Variants in TEX9 observed in about 807,000 individuals in gnomAD.
The protein encoded by TEX9 is testis-expressed protein 9.
A neutral mutation model predicts 59.6 loss-of-function variants in TEX9; 74 were observed. The ratio of observed to expected loss-of-function variants is 1.24; its 90% confidence interval spans 1.03 to 1.51. The LOEUF (loss-of-function observed/expected upper bound fraction) is 1.51. TEX9 is among the 40% of genes most tolerant of loss of function. The pLI is 0.00. For missense variants in TEX9, 522 were observed against 447.8 expected (o/e 1.17, Z -1.49); for synonymous variants, 186 against 152.2 (o/e 1.22, Z -1.64).
intron 12 of TEX9, among the ~76,000 whole-genome samples, chr15:56,431,128 T>C (rs2050581137): frequency 6.6e-6 from 1 of 152,206 alleles, no homozygotes; most frequent in Non-Finnish European, 1.5e-5. Context: ...CACTCCAGCC[T>C]GGGCGATAAA....
the TEX9 span, among the ~76,000 whole-genome samples, chr15:56,459,749 G>C: frequency 7.8e-3 from 1,176 of 151,662 alleles, 10 homozygotes; most frequent in African/African-American, 0.025. Flanking sequence ...GGAGCACTTT[G>C]GGAGGCCGAA....
rs1490069025 is a variant in TEX9 at position 56,311,906 on chromosome 15, A to G, written c.-106-61535A>G. Among the ~76,000 whole-genome samples, 6 of 145,642 alleles carry G rather than the reference A, an allele frequency of 4.1e-5. No individual in the cohort carries two copies. The South Asian group carries it at 1.3e-3, about 33-fold the overall frequency. ...TCTCTGATGGCCAGTGATGATGAGC[A>G]TTTTTTCATGTGTTTTTTGGCTGCA... On this transcript the variant is annotated intron_variant, in intron 1 of 5. Transcript: ENST00000560827.
chr15:56,421,043 A>G (rs1017668774), intron 10 of TEX9, among the ~76,000 whole-genome samples: 3 of 151,808 alleles, frequency 2.0e-5, no homozygotes, highest in African/African-American at 4.9e-5. Flanking sequence ...TATTCTATAA[A>G]TGTCAATTAT....
intron 1 of TEX9, among the ~76,000 whole-genome samples, chr15:56,322,134 G>C (rs2554285): frequency 0.45 from 68,243 of 151,712 alleles, 16,380 homozygotes; most frequent in Non-Finnish European, 0.55. Context: ...CCTGTCCAAA[G>C]GAAAAGCAAG....
intron 1 of TEX9, among the ~76,000 whole-genome samples, chr15:56,350,414 G>C (rs2046554948): frequency 6.6e-6 from 1 of 152,114 alleles, no homozygotes; most frequent in African/African-American, 2.4e-5. Flanking sequence ...AAACAGCAAT[G>C]GGAAAGGCAT....
intron 1 of TEX9, among the ~76,000 whole-genome samples, chr15:56,283,530 A>T (rs1339810265): frequency 1.3e-5 from 2 of 152,218 alleles, no homozygotes; most frequent in Non-Finnish European, 2.9e-5. Flanking sequence ...TCAATAAATT[A>T]TGTTGGAGCA....
rs140266833 is a variant in TEX9 at position 56,318,407 on chromosome 15, A to G, written c.-106-55034A>G. ...ATTTGTACATTTGAATCTAAAGTGC[A>G]TCATATTGTAGGCAGCATATCGTTG... On this transcript the variant is annotated intron_variant, in intron 1 of 5. Transcript: ENST00000560827. Among the ~76,000 whole-genome samples the G allele has an allele frequency of 5.3e-3, 800 of 152,180 alleles. 27 individuals carry two copies. Among genetic ancestry groups the G allele is most frequent in the Admixed American group, 0.046 (701 of 15,280 alleles).
intron 10 of TEX9, among the ~76,000 whole-genome samples, chr15:56,415,624 G>A (rs2049639235): frequency 6.6e-6 from 1 of 151,520 alleles, no homozygotes; most frequent in African/African-American, 2.4e-5. Context: ...TTTGTACCAT[G>A]TGCTGTTTTG....
intron 10 of TEX9, among the ~76,000 whole-genome samples, chr15:56,425,943 G>A (rs963439417): frequency 3.3e-5 from 5 of 152,110 alleles, no homozygotes; most frequent in Non-Finnish European, 7.4e-5. Flanking sequence ...CTGGGCCTGT[G>A]TGTTTTAATT....
intron 1 of TEX9, among the ~76,000 whole-genome samples, chr15:56,258,252 G>T (rs916677016): frequency 1.1e-4 from 17 of 152,040 alleles, no homozygotes; most frequent in African/African-American, 4.1e-4. Flanking sequence ...TTTTTGCCTA[G>T]TATTGCCTTA....
At chr15:56,389,373 C>T in exon 6 of TEX9, 1 of 1,610,486 alleles carries the variant, frequency 6.2e-7, no homozygotes, top group Non-Finnish European at 8.5e-7. Flanking sequence ...TTACACTCTG[C>T]AAATAAAGGA....
intron 3 of TEX9, among the ~76,000 whole-genome samples, chr15:56,377,182 G>A (rs1404817434): frequency 6.6e-6 from 1 of 152,112 alleles, no homozygotes; most frequent in East Asian, 1.9e-4. Context: ...TTGAAGCCAG[G>A]TAATGTGATT....
intron 11 of TEX9, among the ~76,000 whole-genome samples, chr15:56,427,980 A>G (rs1435515897): frequency 1.3e-5 from 2 of 152,106 alleles, no homozygotes; most frequent in African/African-American, 2.4e-5. Context: ...AAAATACAGT[A>G]TAGGTACTTC....
chr15:56,452,737 C>G, the TEX9 span, among the ~76,000 whole-genome samples: 4 of 152,146 alleles, frequency 2.6e-5, no homozygotes, highest in Non-Finnish European at 4.4e-5. Flanking sequence ...CCAGGATGGT[C>G]TCGATCTCCT....
chr15:56,448,434 T>A (rs2050923734), downstream of TEX9, among the ~76,000 whole-genome samples: 1 of 152,138 alleles, frequency 6.6e-6, no homozygotes. Flanking sequence ...TTCCCATATA[T>A]GTCTATGTGT....
At chr15:56,457,815 TA>T in the TEX9 span, among the ~76,000 whole-genome samples, 352 of 139,976 alleles carry the variant, frequency 2.5e-3, no homozygotes, top group South Asian at 2.5e-3. Flanking sequence ...CCCTGTCTCT[TA>T]AAAAAAAAAA....
intron 8 of TEX9, 178 bp downstream of exon 8, chr15:56,394,425 T>C: frequency 3.2e-6 from 2 of 634,648 alleles, no homozygotes; most frequent in South Asian, 4.9e-5. Flanking sequence ...AGAGCTGAAA[T>C]ATCTTAAATT....
At chr15:56,313,502 C>G (rs1383962463) in intron 1 of TEX9, among the ~76,000 whole-genome samples, 1 of 145,498 alleles carries the variant, frequency 6.9e-6, no homozygotes, top group Non-Finnish European at 1.5e-5. Context: ...CTGAAGCCCA[C>G]TTGATCATGG....
chr15:56,419,805 T>C (rs1410357064), intron 10 of TEX9, among the ~76,000 whole-genome samples: 1 of 151,946 alleles, frequency 6.6e-6, no homozygotes, highest in Non-Finnish European at 1.5e-5. Context: ...ATCATTCTTC[T>C]GGAGAAGCTC....
Sources: allele counts gnomAD v4.1 joint callset (sites outside exome capture counted in the v4.1 genomes callset), GRCh38; gene constraint gnomAD v4.1.1; transcripts MANE v1.5; gene names NCBI Gene and HGNC (gene_info 2026-07-23, HGNC 2026-07-21).